Variants in SEMA3G observed in about 807,000 individuals in gnomAD.
SEMA3G encodes the protein semaphorin-3G.
A neutral mutation model predicts 86.2 loss-of-function variants in SEMA3G; 70 were observed. The ratio of observed to expected loss-of-function variants is 0.81; its 90% CI spans 0.67 to 0.99. The LOEUF is 0.99. Among genes scored for constraint, SEMA3G ranks in the 50% least tolerant of loss-of-function variants. The probability of loss-of-function intolerance (pLI) is 0.00; values close to 1 mark genes in which losing one functional copy is unlikely to be tolerated. For missense variants in SEMA3G, 1,002 were observed against 1,072.4 expected (o/e 0.93, Z 0.92); for synonymous variants, 416 against 441.4 (o/e 0.94, Z 0.72).
In SEMA3G at chr3:52,434,161, T is replaced by A. The variant is rs1407729943; in HGVS notation, c.*1442A>T. 1 of 152,086 alleles carries A rather than the reference T, an allele frequency of 6.6e-6. No individual in the cohort carries two copies. The highest frequency in any genetic ancestry group is 2.4e-5 in the African/African-American group (1 of 41,396). 9.4% of individuals were successfully genotyped at this position (152,086 alleles called of 1,614,324 possible). A position where few individuals can be genotyped will look rare whatever the true frequency, so the allele number is the denominator to read the frequency against. On this transcript the variant is annotated 3_prime_UTR_variant, in exon 16 of 16. Transcript: ENST00000231721. The surrounding 1 kb of genome is among the most constrained non-coding windows in gnomAD (Gnocchi z 5.2). ...TTAATGGAGGGAATCTCAAACCCAG[T>A]GCTCTTATCTCCTTCCAGCCAGTTT...
chr3:52,435,747 C>T lies in SEMA3G; in HGVS notation c.2205G>A (p.Thr735=), dbSNP rs144173935. ...GGCTCCGGAAGCAGCCTGAGCATTC[C>T]GTGGTGCCCCTGCACCACACGCGCT... ...YCERVWCRGT[T]ECSGCFRSRS... is the part of the protein sequence containing the mutation. The change falls in exon 16 of 16, where the codon ACG becomes ACA. Residue 735 remains threonine (T), a synonymous_variant. Coordinates refer to ENST00000231721, the MANE Select transcript of SEMA3G (RefSeq NM_020163.3). The T allele has an allele frequency of 8.8e-5, 142 of 1,613,974 alleles. No homozygotes were observed. The highest frequency in any genetic ancestry group is 2.1e-4 in the African/African-American group (16 of 74,942).
rs1333160039 is a variant in SEMA3G, at chr3:52,433,935, G to A, written c.*1668C>T. On this transcript the variant is annotated 3_prime_UTR_variant, in exon 16 of 16. Coordinates refer to ENST00000231721, the MANE Select transcript of SEMA3G (RefSeq NM_020163.3). ...GGAAGGCTTCTCAGGGCGTTGATAG[G>A]TTAATCTCAGTGCTTCTGGTTCATT... The A allele has an allele frequency of 3.3e-5, 5 of 152,180 alleles. No homozygotes were observed. Among genetic ancestry groups the A allele is most frequent in the African/African-American group, 1.2e-4 (5 of 41,430 alleles). The allele number at this position is 152,180 out of a possible 1,614,324, so 9.4% of individuals were successfully genotyped here.
At chr3:52,437,885 T>C in intron 14 of SEMA3G, 86 bp downstream of exon 14, 2 of 1,285,832 alleles carry the variant, frequency 1.6e-6, no homozygotes, top group Non-Finnish European at 2.2e-6. Flanking sequence ...ACAAGACCAA[T>C]CTGAGAATGC....
chr3:52,443,312 G>A (rs1706196759), intron 1 of SEMA3G, among the ~76,000 whole-genome samples: 2 of 152,352 alleles, frequency 1.3e-5, no homozygotes, highest in South Asian at 4.1e-4. Context: ...CAGCTGGAGG[G>A]TGGGCCAGCA....
chr3:52,441,433 T>C (rs747474111), intron 6 of SEMA3G, 24 bp from the exon 7 acceptor site: 1 of 1,610,892 alleles, frequency 6.2e-7, no homozygotes, highest in Non-Finnish European at 8.5e-7. Flanking sequence ...AGGGTCATGC[T>C]GGGTGGAGGG....
rs1282891568 is a variant in SEMA3G at position 52,442,331 on chromosome 3, A to T, written c.340-27T>A. 3.4e-6 allele frequency: 5 copies of T among 1,474,074 alleles called. No individual in the cohort carries two copies. Among genetic ancestry groups the T allele is most frequent in the Non-Finnish European group, 4.5e-6 (5 of 1,099,748 alleles). The allele number at this position is 1,474,074 out of a possible 1,614,324, so 91.3% of individuals were successfully genotyped here. On this transcript the variant is annotated intron_variant, in intron 3 of 15. Coordinates refer to ENST00000231721, the MANE Select transcript of SEMA3G (RefSeq NM_020163.3). This position sits in a 1 kb window ranked among gnomAD's most constrained non-coding sequence, Gnocchi z 6.1. ...TGCGGGGAGAAGGAGGGGGTGGTTG[A>T]GGGGTGAGAGGGGGTGCCCACCATC... is the stretch of plus-strand genomic sequence containing the variant.
chr3:52,443,085 A>G (rs540137436), intron 1 of SEMA3G, 178 bp from the exon 2 acceptor site: 7 of 1,527,350 alleles, frequency 4.6e-6, no homozygotes, highest in Non-Finnish European at 6.1e-6. Flanking sequence ...GACAGGTGGG[A>G]CGGGAGGCTC....
Position 52,440,830 on chromosome 3 carries a change from T to C in SEMA3G, c.929-7A>G. 6.2e-7 allele frequency: 1 copy of C among 1,611,464 alleles called. No individual in the cohort carries two copies. ...CACAGCAGGAACACATCCTCTGGGG[T>C]AGAGAAAGGAGTATGAGTGTCATGG... On this transcript the variant is annotated splice_region_variant and splice_polypyrimidine_tract_variant and intron_variant, in intron 8 of 15. Transcript: ENST00000231721.
rs756589949 is a variant in SEMA3G, at chr3:52,440,771, C to A, written c.981G>T (p.Ala327=). 1.2e-6 allele frequency: 2 copies of A among 1,613,038 alleles called. No homozygotes were observed. Among genetic ancestry groups the A allele is most frequent in the East Asian group, 2.2e-5 (1 of 44,878 alleles). The change falls in exon 9 of 16, where the codon GCG becomes GCT. Residue 327 remains alanine, a synonymous_variant. Transcript: ENST00000231721. ...PKAGKSLEVY[A]LFSTVSAVFQ... ...GTGCCCACCTGACGGTGCTGAACAG[C>A]GCGTACACCTCGAGGCTCTTCCCGG...
chr3:52,435,886 G>A lies in SEMA3G; in HGVS notation c.2066C>T (p.Pro689Leu), dbSNP rs936182262. ...LDNLFPPEPK[P>L]EEPPARGGLA... ...GCCTCCCCGGGCTGGGGGCTCCTCT[G>A]GCTTTGGCTCCGGAGGGAACAGGTT... Residue 689 changes from proline (P) to leucine (L), a missense_variant, in exon 16 of 16, where the codon CCA becomes CTA. Physicochemically the swap from Pro to Leu is moderately conservative, Grantham distance 98. Transcript: ENST00000231721. 6.2e-7 allele frequency: 1 copy of A among 1,614,102 alleles called. No homozygotes were observed. Among genetic ancestry groups the A allele is most frequent in the Non-Finnish European group, 8.5e-7 (1 of 1,180,042 alleles).
At chr3:52,437,947 G>C in intron 14 of SEMA3G, 24 bp downstream of exon 14, 1 of 1,598,062 alleles carries the variant, frequency 6.3e-7, no homozygotes, top group Non-Finnish European at 8.6e-7. Context: ...CCCAGTCTGG[G>C]CCCTCCCACC....
In SEMA3G at chr3:52,442,508, G is replaced by GGT; in HGVS notation, c.339+49_339+50dup. ...GGGCGTGGTCACGGATTGTCCTGGG[G>GGT]GTCAGGGCAGGGTGTCAGGTCGGGG... On this transcript the variant is annotated intron_variant, in intron 3 of 15. Coordinates refer to ENST00000231721, the MANE Select transcript of SEMA3G (RefSeq NM_020163.3). This position sits in a 1 kb window ranked among gnomAD's most constrained non-coding sequence, Gnocchi z 6.1. The GGT allele has an allele frequency of 6.3e-7, 1 of 1,595,340 alleles. No individual in the cohort carries two copies. Among genetic ancestry groups the GGT allele is most frequent in the Non-Finnish European group, 8.6e-7 (1 of 1,163,156 alleles).
At chr3:52,437,421 G>T in intron 15 of SEMA3G, 106 bp downstream of exon 15, 1 of 1,241,812 alleles carries the variant, frequency 8.1e-7, no homozygotes, top group East Asian at 2.4e-5. Flanking sequence ...GGTTAATCTT[G>T]GCAGATTCCC....
In SEMA3G at chr3:52,445,016, CG is replaced by C. The variant is rs1706241040; in HGVS notation, c.11del (p.Ser4TrpfsTer9). On this transcript the variant is annotated frameshift_variant, in exon 1 of 16. Transcript: ENST00000231721. LOFTEE classifies it high-confidence loss of function. ...CTAGCAGCCAGCAAATGGCCCAGGCCGAGGGGGCCATGCTGGGGAACTGAGG... is the reference window on the plus strand; with the variant it reads ...CTAGCAGCCAGCAAATGGCCCAGGCCAGGGGGCCATGCTGGGGAACTGAGG... MAP[S>X]AWAICWLLGG... 7.8e-7 allele frequency: 1 copy of C among 1,281,212 alleles called. No homozygotes were observed. Among genetic ancestry groups the C allele is most frequent in the Non-Finnish European group, 9.9e-7 (1 of 1,008,080 alleles). 79.4% of individuals were successfully genotyped at this position (1,281,212 alleles called of 1,614,324 possible).
In SEMA3G at chr3:52,433,699, G is replaced by T. The variant is rs1057334327; in HGVS notation, c.*1904C>A. The T allele has an allele frequency of 6.6e-6, 1 of 152,624 alleles. No individual in the cohort carries two copies. The highest frequency in any genetic ancestry group is 2.4e-5 in the African/African-American group (1 of 41,426). 9.5% of individuals were successfully genotyped at this position (152,624 alleles called of 1,614,324 possible). A position where few individuals can be genotyped will look rare whatever the true frequency, so the allele number is the denominator to read the frequency against. On this transcript the variant is annotated 3_prime_UTR_variant, in exon 16 of 16. Transcript: ENST00000231721. Reference sequence around the variant, plus strand: ...TGCCAAGCCAGAGTCCAGCGTAAAGGCCCGGAGGGCTGTTTGTGTCTTTCT... The same window carrying T: ...TGCCAAGCCAGAGTCCAGCGTAAAGTCCCGGAGGGCTGTTTGTGTCTTTCT...
rs1706008605 is a variant in SEMA3G at position 52,434,622 on chromosome 3, GC to G, written c.*980del. 6.6e-6 allele frequency: 1 copy of G among 152,214 alleles called. No individual in the cohort carries two copies. The highest frequency in any genetic ancestry group is 1.5e-5 in the Non-Finnish European group (1 of 68,082). The allele number at this position is 152,214 out of a possible 1,614,324, so 9.4% of individuals were successfully genotyped here. On this transcript the variant is annotated 3_prime_UTR_variant, in exon 16 of 16. Coordinates refer to ENST00000231721, the MANE Select transcript of SEMA3G (RefSeq NM_020163.3). This position sits in a 1 kb window ranked among gnomAD's most constrained non-coding sequence, Gnocchi z 5.2. ...TGCATCCCTGGCCCTGATTCTGAGG[GC>G]TGCAGGGCTCACAGAGCCTCCACAT...
intron 9 of SEMA3G, 46 bp downstream of exon 9, chr3:52,440,708 C>G: frequency 6.4e-7 from 1 of 1,568,376 alleles, no homozygotes; most frequent in South Asian, 1.1e-5. Flanking sequence ...GAATCAGGGA[C>G]AAAGACAGGG....
At position 52,435,642 on chromosome 3, in the gene SEMA3G, G is replaced by C. The variant is rs767123581; in HGVS notation, c.2310C>G (p.Ala770=). 9 of 1,613,670 alleles carry C rather than the reference G, an allele frequency of 5.6e-6. No individual in the cohort carries two copies. The highest frequency in any genetic ancestry group is 7.6e-6 in the Non-Finnish European group (9 of 1,179,924). Residue 770 remains alanine (A), a synonymous_variant, in exon 16 of 16, where the codon GCC becomes GCG. Transcript: ENST00000231721. ...CCTCCCGGGGCGTCCGATTGTGCTC[G>C]GCATGCACCCGGCTCTTCATCTTCT... is the stretch of plus-strand genomic sequence containing the variant. ...LGKKMKSRVH[A]EHNRTPREVE...
rs202240389 is a variant in SEMA3G, at chr3:52,440,772, G to A, written c.980C>T (p.Ala327Val). 399 of 1,613,106 alleles carry A rather than the reference G, an allele frequency of 2.5e-4. 2 individuals are homozygous for A. The highest frequency in any genetic ancestry group is 1.0e-3 in the Admixed American group (62 of 60,004). ...PKAGKSLEVY[A>V]LFSTVSAVFQ... The stretch of plus-strand genomic sequence containing the variant: ...TGCCCACCTGACGGTGCTGAACAGC[G>A]CGTACACCTCGAGGCTCTTCCCGGC... Residue 327 changes from alanine to valine, a missense_variant, in exon 9 of 16, where the codon GCG becomes GTG. Physicochemically the swap from Ala to Val is moderately conservative, Grantham distance 64 (BLOSUM62 0). Coordinates refer to ENST00000231721, the MANE Select transcript of SEMA3G (RefSeq NM_020163.3).
Sources: gnomAD v4.1 joint callset for allele counts (sites outside exome capture counted in the v4.1 genomes callset) on GRCh38, gnomAD v4.1.1 for gene constraint, Gnocchi (gnomAD v3.1) non-coding constraint, MANE v1.5 for transcripts, NCBI Gene and HGNC (gene_info 2026-07-23, HGNC 2026-07-21) for gene names.